SLC7A14: variants seen among roughly 807,000 people sequenced by gnomAD.
The protein encoded by SLC7A14 is gamma-aminobutyric acid transporter SLC7A14.
Under a neutral mutation model 60.2 loss-of-function variants are expected in SLC7A14, and 37 were observed. The ratio of observed to expected loss-of-function variants is 0.61; its 90% CI spans 0.47 to 0.81. The LOEUF is 0.81. Ranked by LOEUF, SLC7A14 falls within the 30% of genes least tolerant of loss-of-function variation. The probability of loss-of-function intolerance (pLI) is 0.00; values close to 1 mark genes in which losing one functional copy is unlikely to be tolerated. For synonymous variants in SLC7A14, 399 were observed against 395.8 expected (o/e 1.01, Z -0.10); for missense variants, 886 against 982.7 (o/e 0.90, Z 1.32).
chr3:170,480,247 C>A, intron 7 of SLC7A14, 42 bp downstream of exon 7: 1 of 1,510,260 alleles, frequency 6.6e-7, no homozygotes, highest in Non-Finnish European at 8.8e-7. Context: ...ATGCTTAAGA[C>A]CTTAAAAGGG....
At chr3:170,582,785 A>G (rs1005211962) in intron 1 of SLC7A14, among the ~76,000 whole-genome samples, 1 of 152,194 alleles carries the variant, frequency 6.6e-6, no homozygotes, top group East Asian at 1.9e-4. Flanking sequence ...GAATTTCTAA[A>G]TGCTATGTTT....
intron 2 of SLC7A14, among the ~76,000 whole-genome samples, chr3:170,509,419 A>G (rs1407021846): frequency 6.6e-6 from 1 of 152,188 alleles, no homozygotes; most frequent in Non-Finnish European, 1.5e-5. Flanking sequence ...TGCCCCAAAT[A>G]TATCAACATA....
At chr3:170,570,738 C>T (rs1714927602) in intron 1 of SLC7A14, among the ~76,000 whole-genome samples, 1 of 152,190 alleles carries the variant, frequency 6.6e-6, no homozygotes, top group Non-Finnish European at 1.5e-5. Flanking sequence ...TACTGCTCAG[C>T]AGATGCCCCT....
chr3:170,526,367 A>C (rs1713499353), intron 2 of SLC7A14, among the ~76,000 whole-genome samples: 4 of 151,670 alleles, frequency 2.6e-5, no homozygotes, highest in Admixed American at 6.6e-5. Flanking sequence ...ATGCCACTGC[A>C]CTCCAGCCTG....
intron 1 of SLC7A14, among the ~76,000 whole-genome samples, chr3:170,540,820 G>A (rs940641890): frequency 8.5e-5 from 13 of 152,294 alleles, no homozygotes; most frequent in East Asian, 7.7e-4. Context: ...ATTAGTGCTT[G>A]CTTCTAAACT....
At chr3:170,477,378 A>C (rs978974158) in intron 7 of SLC7A14, among the ~76,000 whole-genome samples, 1 of 152,222 alleles carries the variant, frequency 6.6e-6, no homozygotes, top group Non-Finnish European at 1.5e-5. Flanking sequence ...CATTTAGGCT[A>C]TAACCATGGC....
chr3:170,558,589 C>T (rs1474190208), intron 1 of SLC7A14, among the ~76,000 whole-genome samples: 1 of 152,172 alleles, frequency 6.6e-6, no homozygotes, highest in Non-Finnish European at 1.5e-5. Context: ...GTGCTTTGTA[C>T]ACCAAGGTAT....
chr3:170,486,405 C>A (rs750867934), intron 4 of SLC7A14, 37 bp from the exon 5 acceptor site: 1 of 1,613,864 alleles, frequency 6.2e-7, no homozygotes. Flanking sequence ...CTCAGAAGAT[C>A]GGGGTGGCAC....
chr3:170,482,220 T>A (rs1306857224), intron 6 of SLC7A14, among the ~76,000 whole-genome samples: 1 of 152,244 alleles, frequency 6.6e-6, no homozygotes, highest in Non-Finnish European at 1.5e-5. Flanking sequence ...CTTATTTTTA[T>A]GGTTCACACA....
Position 170,483,327 on chromosome 3 carries a change from C to G in SLC7A14, c.1102G>C (p.Gly368Arg), listed in dbSNP as rs538962915. 2 of 1,614,042 alleles carry G rather than the reference C, an allele frequency of 1.2e-6. No homozygotes were observed. Among genetic ancestry groups the G allele is most frequent in the African/African-American group, 1.3e-5 (1 of 75,000 alleles). The stretch of plus-strand genomic sequence containing the variant: ...CATAGCCCTTACCTGAAAAGGAGCC[C>G]GTCACCAGCCATGGCATAAATGACC... The part of the protein sequence containing the change: ...PRVIYAMAGD[G>R]LLFRFLAHVS... Residue 368 changes from glycine (G) to arginine (R), a missense_variant, in exon 6 of 8, where the codon GGG becomes CGG. Gly to Arg is a moderately radical substitution (Grantham distance 125). Transcript: ENST00000231706.
chr3:170,514,898 T>C (rs1041736474), intron 2 of SLC7A14, among the ~76,000 whole-genome samples: 3 of 152,250 alleles, frequency 2.0e-5, no homozygotes, highest in African/African-American at 7.2e-5. Flanking sequence ...AAAAACTTAA[T>C]CTTCACAAGA....
chr3:170,581,501 C>T lies in SLC7A14; in HGVS notation c.-153+4410G>A, dbSNP rs373155091. Among the ~76,000 whole-genome samples, 23 of 152,108 alleles carry T rather than the reference C, an allele frequency of 1.5e-4. No homozygotes were observed. In the South Asian group the frequency reaches 2.7e-3, roughly 18 times the overall value. On this transcript the variant is annotated intron_variant, in intron 1 of 7. Coordinates refer to ENST00000231706, the MANE Select transcript of SLC7A14 (RefSeq NM_020949.3). ...AATAAACTAAACAACAAACAATGCA[C>T]GGTATTTCAATTAATAGAATCTAAC...
rs114847646 is a variant in SLC7A14 at position 170,556,526 on chromosome 3, G to A, written c.-153+29385C>T. ...ATGTGTAGGGCTCCTTGTAATAATA[G>A]TAGGGTTTTTAATGGTCACAGCTAT... On this transcript the variant is annotated intron_variant, in intron 1 of 7. Coordinates refer to ENST00000231706, the MANE Select transcript of SLC7A14 (RefSeq NM_020949.3). Among the ~76,000 whole-genome samples the A allele has an allele frequency of 9.9e-3, 1,501 of 152,214 alleles. 26 individuals are homozygous for A. Among genetic ancestry groups the A allele is most frequent in the African/African-American group, 0.035 (1,437 of 41,528 alleles).
intron 1 of SLC7A14, among the ~76,000 whole-genome samples, chr3:170,546,434 A>T (rs1418241063): frequency 6.6e-6 from 1 of 152,222 alleles, no homozygotes; most frequent in African/African-American, 2.4e-5. Context: ...CATGCCAGTA[A>T]AGCCAACCTG....
intron 7 of SLC7A14, among the ~76,000 whole-genome samples, chr3:170,478,275 G>C (rs994583402): frequency 2.6e-5 from 4 of 152,008 alleles, no homozygotes; most frequent in African/African-American, 7.2e-5. Context: ...ATGGGGTTTT[G>C]CCATGTAGGC....
At chr3:170,521,784 G>A (rs1046019279) in intron 2 of SLC7A14, among the ~76,000 whole-genome samples, 1 of 152,142 alleles carries the variant, frequency 6.6e-6, no homozygotes, top group East Asian at 1.9e-4. Context: ...AGCCATGTGT[G>A]ATGTCATGCA....
intron 1 of SLC7A14, among the ~76,000 whole-genome samples, chr3:170,538,226 C>T (rs1713908619): frequency 6.6e-6 from 1 of 152,168 alleles, no homozygotes; most frequent in African/African-American, 2.4e-5. Context: ...CAGTCAATAG[C>T]TGCAATTTGG....
intron 2 of SLC7A14, among the ~76,000 whole-genome samples, chr3:170,508,311 T>C (rs1215646268): frequency 1.3e-5 from 2 of 152,170 alleles, no homozygotes; most frequent in African/African-American, 2.4e-5. Flanking sequence ...AGAAAACAAT[T>C]TGCCAACTTT....
chr3:170,489,965 G>A lies in SLC7A14; in HGVS notation c.760-3597C>T, dbSNP rs144302075. Among the ~76,000 whole-genome samples, 1,096 of 152,120 alleles carry A rather than the reference G, an allele frequency of 7.2e-3. 9 individuals carry two copies. Among genetic ancestry groups the A allele is most frequent in the Non-Finnish European group, 0.012 (819 of 67,982 alleles). On this transcript the variant is annotated intron_variant, in intron 4 of 7. Coordinates refer to ENST00000231706, the MANE Select transcript of SLC7A14 (RefSeq NM_020949.3). ...TGGGAAGGATAGTTGGGGGCTGGAC[G>A]GGGGGAGGTGGGGATGGTTAATGGG...
Sources: allele counts gnomAD v4.1 joint callset (sites outside exome capture counted in the v4.1 genomes callset), GRCh38; gene constraint gnomAD v4.1.1; transcripts MANE v1.5; gene names NCBI Gene and HGNC (gene_info 2026-07-23, HGNC 2026-07-21).